The following SLC4A5 variants were observed in gnomAD, a reference collection of about 807,000 sequenced individuals.
SLC4A5 encodes the protein solute carrier family 4 member 5, also known as electrogenic sodium bicarbonate cotransporter 4.
SLC4A5 carries 96 observed loss-of-function variants against 120.4 expected under a neutral mutation model. That is an observed-to-expected ratio of 0.80 (90% confidence interval 0.68 to 0.94). The LOEUF is 0.94. SLC4A5 is among the 40% of genes least tolerant of loss of function. The pLI is 0.00. For synonymous variants in SLC4A5, 550 were observed against 571.1 expected, an observed-to-expected ratio of 0.96 and a Z score of 0.53; for missense variants, 1,259 against 1,459.5, an observed-to-expected ratio of 0.86 and a Z score of 2.24.
At chr2:74,247,758 G>A (rs771209807) in intron 18 of SLC4A5, among the ~76,000 whole-genome samples, 11 of 152,060 alleles carry the variant, frequency 7.2e-5, no homozygotes, top group Admixed American at 1.3e-4. Flanking sequence ...CAGGTGATCC[G>A]CCCGCCCCAG....
intron 12 of SLC4A5, among the ~76,000 whole-genome samples, chr2:74,256,547 G>A (rs1346383945): frequency 1.3e-5 from 2 of 152,126 alleles, no homozygotes; most frequent in African/African-American, 2.4e-5. Context: ...GACTATCAAG[G>A]TGGCCTCTCT....
chr2:74,276,350 C>G (rs573988262), intron 8 of SLC4A5, among the ~76,000 whole-genome samples: 2 of 152,298 alleles, frequency 1.3e-5, no homozygotes, highest in African/African-American at 4.8e-5. Context: ...GGACCTAACA[C>G]AACATCCCCT....
chr2:74,304,059 C>A (rs369582235), intron 7 of SLC4A5, among the ~76,000 whole-genome samples: 1 of 151,938 alleles, frequency 6.6e-6, no homozygotes, highest in African/African-American at 2.4e-5. Context: ...CCGTTTTAGC[C>A]GGGATGGTCT....
intron 24 of SLC4A5, 83 bp downstream of exon 24, chr2:74,232,378 TCCAAATCC>T: frequency 1.3e-6 from 2 of 1,486,554 alleles, no homozygotes; most frequent in Middle Eastern, 1.9e-4. Flanking sequence ...GCCCTTTTTG[TCCAAATCC>T]TTTTGTGGCA....
chr2:74,290,590 G>A, intron 7 of SLC4A5: 7 of 981,198 alleles, frequency 7.1e-6, no homozygotes, highest in Non-Finnish European at 8.5e-6. Context: ...AAAGATCTGA[G>A]AGAGAGAGAG....
At chr2:74,328,566 G>T (rs1673275048) in intron 4 of SLC4A5, among the ~76,000 whole-genome samples, 1 of 152,278 alleles carries the variant, frequency 6.6e-6, no homozygotes, top group African/African-American at 2.4e-5. Flanking sequence ...AGAACTTGAA[G>T]AATCCAGCCT....
intron 11 of SLC4A5, 85 bp downstream of exon 11, chr2:74,262,052 T>C: frequency 7.9e-7 from 1 of 1,261,810 alleles, no homozygotes. Flanking sequence ...CTGGGCTTTG[T>C]CTCCCCCACC....
intron 25 of SLC4A5, among the ~76,000 whole-genome samples, chr2:74,229,587 TGTTAAACA>T (rs757895111): frequency 2.6e-5 from 4 of 152,160 alleles, no homozygotes; most frequent in Non-Finnish European, 5.9e-5. Flanking sequence ...AATACTTGTA[TGTTAAACA>T]GTGTCAAAAT....
intron 8 of SLC4A5, among the ~76,000 whole-genome samples, chr2:74,277,302 C>A (rs1167530675): frequency 6.6e-6 from 1 of 152,200 alleles, no homozygotes; most frequent in Admixed American, 6.5e-5. Flanking sequence ...GTAATCCCAG[C>A]ACTTTGGGAG....
rs1670644457 is a variant in SLC4A5, at chr2:74,247,325, G to A, written c.1788-18C>T. On this transcript the variant is annotated intron_variant, in intron 18 of 30. Coordinates refer to ENST00000394019, the Ensembl canonical transcript of SLC4A5. Reference sequence around the variant, plus strand: ...CATTGCCTCTGGAAGGCAGAGGGGAGGTGAGGGGCCTCCAGCCCAGGGCTC... The same window carrying A: ...CATTGCCTCTGGAAGGCAGAGGGGAAGTGAGGGGCCTCCAGCCCAGGGCTC... The A allele has an allele frequency of 4.4e-6, 7 of 1,605,162 alleles. No homozygotes were observed. Among genetic ancestry groups the A allele is most frequent in the Non-Finnish European group, 5.1e-6 (6 of 1,174,964 alleles).
At chr2:74,252,510 C>T (rs917236890) in intron 15 of SLC4A5, 122 bp from the exon 16 acceptor site, 25 of 1,117,552 alleles carry the variant, frequency 2.2e-5, no homozygotes, top group Non-Finnish European at 2.8e-5. Flanking sequence ...ACAATATCCA[C>T]ACGCAGGTCA....
intron 8 of SLC4A5, among the ~76,000 whole-genome samples, chr2:74,283,708 A>C (rs1671885508): frequency 6.6e-6 from 1 of 152,180 alleles, no homozygotes; most frequent in East Asian, 1.9e-4. Context: ...GGTTGAGTCT[A>C]TGCACTCTCA....
At chr2:74,308,527 T>A (rs1325241481) in intron 6 of SLC4A5, among the ~76,000 whole-genome samples, 3 of 152,254 alleles carry the variant, frequency 2.0e-5, no homozygotes, top group Non-Finnish European at 4.4e-5. Flanking sequence ...TCTTCTTTGA[T>A]GAGGTGTTTG....
chr2:74,239,252 C>A, intron 21 of SLC4A5, 83 bp downstream of exon 21: 1 of 1,346,836 alleles, frequency 7.4e-7, no homozygotes, highest in South Asian at 1.2e-5. Flanking sequence ...TGGAGTCCAT[C>A]CTGTCGGTGG....
intron 8 of SLC4A5, among the ~76,000 whole-genome samples, chr2:74,270,195 A>G (rs1671428844): frequency 6.6e-6 from 1 of 152,238 alleles, no homozygotes; most frequent in Non-Finnish European, 1.5e-5. Context: ...CTATTTTGGG[A>G]ATCCAGATGT....
chr2:74,332,023 A>G (rs1461714141), intron 4 of SLC4A5, among the ~76,000 whole-genome samples: 1 of 152,150 alleles, frequency 6.6e-6, no homozygotes, highest in African/African-American at 2.4e-5. Flanking sequence ...TTCTGGGTAG[A>G]TAAGTTTCAT....
intron 3 of SLC4A5, among the ~76,000 whole-genome samples, chr2:74,337,001 G>C (rs1673504975): frequency 6.6e-6 from 1 of 152,176 alleles, no homozygotes; most frequent in Admixed American, 6.5e-5. Context: ...GGGAGAAAAT[G>C]GTCATGAGAA....
At chr2:74,246,206 G>A (rs1007068477) in intron 19 of SLC4A5, among the ~76,000 whole-genome samples, 4 of 152,182 alleles carry the variant, frequency 2.6e-5, no homozygotes, top group Non-Finnish European at 4.4e-5. Context: ...GAGTGGCACT[G>A]GGTGTTACCA....
intron 8 of SLC4A5, among the ~76,000 whole-genome samples, chr2:74,283,419 C>T (rs1671875729): frequency 6.6e-6 from 1 of 152,222 alleles, no homozygotes; most frequent in Non-Finnish European, 1.5e-5. Flanking sequence ...CAATGGCTTC[C>T]ACACAGGGAC....
Sources: allele counts gnomAD v4.1 joint callset (sites outside exome capture counted in the v4.1 genomes callset), GRCh38; gene constraint gnomAD v4.1.1; transcripts MANE v1.5; gene names NCBI Gene and HGNC (gene_info 2026-07-23, HGNC 2026-07-21).